GK5: variants seen among roughly 807,000 people sequenced by gnomAD.
GK5 encodes the protein glycerol kinase 5.
In GK5, 39 loss-of-function variants were observed where a neutral mutation model predicts 77.3. The observed-to-expected ratio is 0.50, with a 90% CI of 0.39 to 0.66. The LOEUF (loss-of-function observed/expected upper bound fraction) is 0.66. GK5 is among the 30% of genes least tolerant of loss of function. GK5 has a pLI of 0.00. For synonymous variants in GK5, 211 were observed against 208.0 expected, an observed-to-expected ratio of 1.01 and a Z score of -0.13; for missense variants, 487 against 633.8, an observed-to-expected ratio of 0.77 and a Z score of 2.49.
At chr3:142,216,658 AAC>A (rs2064280260) in intron 1 of GK5, among the ~76,000 whole-genome samples, 1 of 152,124 alleles carries the variant, frequency 6.6e-6, no homozygotes, top group Non-Finnish European at 1.5e-5. Context: ...AAAGTACCAG[AAC>A]CATCTCAGAG....
In GK5 at chr3:142,165,012, G is replaced by A. The variant is rs1192946388; in HGVS notation, c.*610C>T. The A allele has an allele frequency of 2.0e-5, 3 of 152,570 alleles. No homozygotes were observed. The allele number at this position is 152,570 out of a possible 1,614,324, so 9.5% of individuals were successfully genotyped here. ...TTTGGTTGAACAAGGAAAAATTAAG[G>A]CAGTGTCTTTAAGACCAGTAAAGGA... On this transcript the variant is annotated 3_prime_UTR_variant, in exon 16 of 16. Coordinates refer to ENST00000392993, the MANE Select transcript of GK5 (RefSeq NM_001039547.3).
intron 4 of GK5, among the ~76,000 whole-genome samples, chr3:142,200,993 C>T (rs1202217533): frequency 2.0e-5 from 3 of 152,164 alleles, no homozygotes; most frequent in Non-Finnish European, 4.4e-5. Flanking sequence ...CTAAGAAATG[C>T]ATCCTGATTT....
chr3:142,193,867 C>T lies in GK5; in HGVS notation c.543+4935G>A, dbSNP rs2063890721. On this transcript the variant is annotated intron_variant, in intron 5 of 15. Transcript: ENST00000392993. ...GTGATTCTCCTGCCTCAGCCTCCCA[C>T]ATAGCTGGGATTACAGGAGTCCACC... 2.6e-5 allele frequency among the ~76,000 whole-genome samples: 4 copies of T among 152,092 alleles called. No homozygotes were observed. In the South Asian group the frequency reaches 8.3e-4, roughly 32 times the overall value.
Position 142,177,574 on chromosome 3 carries a change from G to C in GK5, c.1051C>G (p.Leu351Val). 1 of 1,596,752 alleles carries C rather than the reference G, an allele frequency of 6.3e-7. No individual in the cohort carries two copies. Among genetic ancestry groups the C allele is most frequent in the Non-Finnish European group, 8.5e-7 (1 of 1,169,644 alleles). Residue 351 changes from leucine to valine, a missense_variant and splice_region_variant, in exon 12 of 16, where the codon CTT becomes GTT. Physicochemically the swap from Leu to Val is conservative, Grantham distance 32. This residue lies in a region of GK5 where 323 missense variants were observed against 437.4 expected (regional missense o/e 0.74). Transcript: ENST00000392993. ...TAIKWAQQLD[L>V]FTDAAETEKM... ...TCAGTCTCAGCAGCATCTGTGAAAAGGTCTGCAAAAACAAACAAACAACAA... is the reference window on the plus strand; with the variant it reads ...TCAGTCTCAGCAGCATCTGTGAAAACGTCTGCAAAAACAAACAAACAACAA...
intron 15 of GK5, among the ~76,000 whole-genome samples, chr3:142,169,354 T>C (rs771321159): frequency 2.0e-5 from 3 of 152,220 alleles, no homozygotes; most frequent in Non-Finnish European, 4.4e-5. Flanking sequence ...GCTAAATTAG[T>C]GTAGCCCATC....
chr3:142,194,868 A>C (rs376432665), intron 5 of GK5, among the ~76,000 whole-genome samples: 2 of 149,850 alleles, frequency 1.3e-5, no homozygotes, highest in East Asian at 1.9e-4. Context: ...CTTTTATTAC[A>C]TTGTCATGCT....
chr3:142,183,169 T>A, intron 9 of GK5, 120 bp from the exon 10 acceptor site: 4 of 879,344 alleles, frequency 4.5e-6, no homozygotes, highest in Non-Finnish European at 6.7e-6. Flanking sequence ...TTCCTTTTCC[T>A]TAAAATTAAA....
At chr3:142,200,070 T>C (rs2063994568) in intron 4 of GK5, among the ~76,000 whole-genome samples, 1 of 151,838 alleles carries the variant, frequency 6.6e-6, no homozygotes, top group Admixed American at 6.6e-5. Flanking sequence ...TATTCAGTGC[T>C]CACACCTTCT....
intron 15 of GK5, among the ~76,000 whole-genome samples, chr3:142,169,339 A>C (rs1394146853): frequency 6.6e-6 from 1 of 152,190 alleles, no homozygotes; most frequent in East Asian, 1.9e-4. Flanking sequence ...TTGAGCAAGA[A>C]TACTGCTAAA....
intron 5 of GK5, among the ~76,000 whole-genome samples, chr3:142,191,526 ACT>A (rs2107782273): frequency 6.6e-6 from 1 of 151,936 alleles, no homozygotes; most frequent in South Asian, 2.1e-4. Flanking sequence ...AAACAGCGAC[ACT>A]CTATCTCTAT....
At position 142,178,016 on chromosome 3, in the gene GK5, G is replaced by A. The variant is rs544907590; in HGVS notation, c.1049-440C>T. 1.2e-4 allele frequency among the ~76,000 whole-genome samples: 18 copies of A among 151,990 alleles called. No individual in the cohort carries two copies. In the East Asian group the frequency reaches 1.7e-3, roughly 15 times the overall value. ...TAGGATTACAAGCATGTGCCACCAC[G>A]CCCAGCTAATTTTGTATTTTTAGTA... is the stretch of plus-strand genomic sequence containing the variant. On this transcript the variant is annotated intron_variant, in intron 11 of 15. Coordinates refer to ENST00000392993, the MANE Select transcript of GK5 (RefSeq NM_001039547.3).
chr3:142,199,221 C>T lies in GK5; in HGVS notation c.412-288G>A, dbSNP rs184717143. Among the ~76,000 whole-genome samples, 70 of 152,132 alleles carry T rather than the reference C, an allele frequency of 4.6e-4. 1 individual carries two copies. The South Asian group carries it at 6.4e-3, about 14-fold the overall frequency. ...AAAAAACAACTATATTTTTACCTCTCTACCTATTTTTAACTATGATAGTTA... is the reference window on the plus strand; with the variant it reads ...AAAAAACAACTATATTTTTACCTCTTTACCTATTTTTAACTATGATAGTTA... On this transcript the variant is annotated intron_variant, in intron 4 of 15. Coordinates refer to ENST00000392993, the MANE Select transcript of GK5 (RefSeq NM_001039547.3).
At chr3:142,190,465 G>C (rs1200571494) in intron 5 of GK5, among the ~76,000 whole-genome samples, 1 of 152,146 alleles carries the variant, frequency 6.6e-6, no homozygotes, top group Non-Finnish European at 1.5e-5. Flanking sequence ...CAGAAAAAAA[G>C]ATAAGGAGAA....
At chr3:142,190,489 A>G (rs1207502197) in intron 5 of GK5, among the ~76,000 whole-genome samples, 1 of 152,226 alleles carries the variant, frequency 6.6e-6, no homozygotes, top group Non-Finnish European at 1.5e-5. Flanking sequence ...AGCAGAAATT[A>G]CATTTGAAGA....
rs948275877 is a variant in GK5 at position 142,161,796 on chromosome 3, T to G, written c.*3826A>C. 6.6e-6 allele frequency: 1 copy of G among 152,014 alleles called. No homozygotes were observed. The highest frequency in any genetic ancestry group is 1.5e-5 in the Non-Finnish European group (1 of 68,034). The allele number at this position is 152,014 out of a possible 1,614,324, so 9.4% of individuals were successfully genotyped here. A position where few individuals can be genotyped will look rare whatever the true frequency, so the allele number is the denominator to read the frequency against. On this transcript the variant is annotated 3_prime_UTR_variant, in exon 16 of 16. Transcript: ENST00000392993. ...GACAATTACAGCATGAGATATTGATTGATTGATTGATTGATTGATTGAGAC... is the reference window on the plus strand; with the variant it reads ...GACAATTACAGCATGAGATATTGATGGATTGATTGATTGATTGATTGAGAC...
At chr3:142,171,134 G>A (rs2063531586) in intron 14 of GK5, among the ~76,000 whole-genome samples, 1 of 152,100 alleles carries the variant, frequency 6.6e-6, no homozygotes, top group South Asian at 2.1e-4. Flanking sequence ...GGGATAGTGA[G>A]GCATGAGAAT....
chr3:142,207,206 G>C (rs961761837), intron 3 of GK5, among the ~76,000 whole-genome samples: 2 of 152,192 alleles, frequency 1.3e-5, no homozygotes, highest in East Asian at 1.9e-4. Flanking sequence ...CCCTTGTGGA[G>C]AGCCTATAAA....
In GK5 at chr3:142,215,613, T is replaced by C; in HGVS notation, c.227A>G (p.Lys76Arg). The change falls in exon 2 of 16, where the codon AAA becomes AGA. Residue 76 changes from lysine (K) to arginine (R), a missense_variant. Transcript: ENST00000392993. ...AATCCAATTACCTTTGACTGCTTCT[T>C]TTATTACGGCAACAAATTGAATCCA... ...VLWIQFVAVIKEAVKAAGIQM... is the reference protein window; with the variant it reads ...VLWIQFVAVIREAVKAAGIQM... 2 of 1,569,808 alleles carry C rather than the reference T, an allele frequency of 1.3e-6. No homozygotes were observed. The highest frequency in any genetic ancestry group is 1.7e-6 in the Non-Finnish European group (2 of 1,142,994).
intron 4 of GK5, chr3:142,204,390 G>A (rs1260003003): frequency 1.3e-5 from 5 of 378,072 alleles, no homozygotes; most frequent in South Asian, 1.2e-4. Context: ...TATAAAAGAT[G>A]AAATTTGGGC....
Sources: gnomAD v4.1 joint callset for allele counts (sites outside exome capture counted in the v4.1 genomes callset) on GRCh38, gnomAD v4.1.1 for gene constraint, gnomAD v4.1.1 regional missense constraint, MANE v1.5 for transcripts, NCBI Gene and HGNC (gene_info 2026-07-23, HGNC 2026-07-21) for gene names.